The following FRMD6 variants were observed in gnomAD, a reference collection of about 807,000 sequenced individuals.
FRMD6 encodes FERM domain-containing protein 6.
In FRMD6, 37 loss-of-function variants were observed where a neutral mutation model predicts 73.2. The observed-to-expected ratio is 0.51, with a 90% CI of 0.39 to 0.66. FRMD6 has a LOEUF of 0.66. Among genes scored for constraint, FRMD6 ranks in the 30% least tolerant of loss-of-function variants. FRMD6 has a pLI of 0.00. For missense variants in FRMD6, 714 were observed against 780.5 expected, an observed-to-expected ratio of 0.91 and a Z score of 1.02; for synonymous variants, 273 against 282.2, an observed-to-expected ratio of 0.97 and a Z score of 0.33.
At chr14:51,582,107 C>T (rs1208225326) in intron 2 of FRMD6, among the ~76,000 whole-genome samples, 1 of 152,184 alleles carries the variant, frequency 6.6e-6, no homozygotes, top group African/African-American at 2.4e-5. Context: ...TTTGTGACTA[C>T]GTCATACATA....
chr14:51,648,656 G>A (rs561812986), upstream of FRMD6, among the ~76,000 whole-genome samples: 51 of 152,242 alleles, frequency 3.3e-4, no homozygotes, highest in Non-Finnish European at 6.2e-4. Flanking sequence ...TATTCTTCCT[G>A]CGTATCTCTA....
At chr14:51,404,518 A>AGT in the FRMD6 span, among the ~76,000 whole-genome samples, 1 of 152,150 alleles carries the variant, frequency 6.6e-6, no homozygotes, top group Non-Finnish European at 1.5e-5. Context: ...TAAAAATGTT[A>AGT]GTGTTGTTGG....
intron 2 of FRMD6, among the ~76,000 whole-genome samples, chr14:51,603,316 T>G (rs1001405179): frequency 1.3e-5 from 2 of 152,248 alleles, no homozygotes; most frequent in African/African-American, 4.8e-5. Context: ...GCATAAAAAC[T>G]GTTTCCAGTT....
chr14:51,584,807 A>G (rs1228586162), intron 2 of FRMD6, among the ~76,000 whole-genome samples: 1 of 152,008 alleles, frequency 6.6e-6, no homozygotes, highest in Non-Finnish European at 1.5e-5. Context: ...ATAGTGGTAA[A>G]GGGTATAAGC....
At chr14:51,526,704 A>G (rs1186488285) in intron 1 of FRMD6, among the ~76,000 whole-genome samples, 1 of 152,186 alleles carries the variant, frequency 6.6e-6, no homozygotes, top group East Asian at 1.9e-4. Context: ...ATTATCCTAC[A>G]TTCTCCACCA....
intron 2 of FRMD6, among the ~76,000 whole-genome samples, chr14:51,580,358 A>T (rs1888651616): frequency 6.6e-6 from 1 of 152,226 alleles, no homozygotes; most frequent in African/African-American, 2.4e-5. Context: ...TAGTAGCAGA[A>T]TTGCAAACAC....
chr14:51,559,138 C>T (rs999005681), intron 1 of FRMD6, among the ~76,000 whole-genome samples: 1 of 152,216 alleles, frequency 6.6e-6, no homozygotes, highest in African/African-American at 2.4e-5. Flanking sequence ...TGCATATCAA[C>T]ATACCCCGGC....
At chr14:51,484,389 C>A (rs1054479226), upstream of FRMD6, among the ~76,000 whole-genome samples, 24 of 152,182 alleles carry the variant, frequency 1.6e-4, no homozygotes, top group African/African-American at 5.6e-4. Flanking sequence ...TTGACTACCA[C>A]CACCAGAATA....
intron 2 of FRMD6, among the ~76,000 whole-genome samples, chr14:51,614,109 A>C (rs970308853): frequency 6.6e-6 from 1 of 152,168 alleles, no homozygotes; most frequent in African/African-American, 2.4e-5. Context: ...TGAAAAATAC[A>C]CATGCACACA....
At chr14:51,675,593 C>T (rs989012371) in intron 1 of FRMD6, among the ~76,000 whole-genome samples, 65 of 152,270 alleles carry the variant, frequency 4.3e-4, no homozygotes, top group African/African-American at 1.6e-3. Flanking sequence ...TTGTCTCCAG[C>T]TTGTGTAATC....
At chr14:51,629,366 C>T (rs1221938650) in intron 2 of FRMD6, among the ~76,000 whole-genome samples, 1 of 152,166 alleles carries the variant, frequency 6.6e-6, no homozygotes, top group East Asian at 1.9e-4. Flanking sequence ...ATGTATGTTT[C>T]ATTTCTGTTG....
the FRMD6 span, among the ~76,000 whole-genome samples, chr14:51,461,819 A>T: frequency 6.6e-6 from 1 of 152,210 alleles, no homozygotes; most frequent in Non-Finnish European, 1.5e-5. Context: ...CCTGGGTTTA[A>T]ATCCTAGAGT....
At chr14:51,659,365 T>G (rs1893053350) in intron 1 of FRMD6, among the ~76,000 whole-genome samples, 1 of 152,260 alleles carries the variant, frequency 6.6e-6, no homozygotes, top group Admixed American at 6.5e-5. Context: ...AGAAGTGATG[T>G]ATAAAAGGAC....
Position 51,616,919 on chromosome 14 carries a change from C to T in FRMD6, c.-147+46509C>T, listed in dbSNP as rs115259503. ...TTTGTGTGCATGCTTACTATGAATA[C>T]GTGTGACATTACATGTCAAGAACTG... On this transcript the variant is annotated intron_variant, in intron 2 of 14. Coordinates refer to the FRMD6 transcript ENST00000356218. Among the ~76,000 whole-genome samples the T allele has an allele frequency of 2.9e-3, 442 of 152,290 alleles. 2 individuals are homozygous for T. The highest frequency in any genetic ancestry group is 9.9e-3 in the African/African-American group (412 of 41,562).
At chr14:51,708,597 A>G (rs1381988990) in intron 7 of FRMD6, among the ~76,000 whole-genome samples, 4 of 152,054 alleles carry the variant, frequency 2.6e-5, no homozygotes, top group African/African-American at 9.7e-5. Flanking sequence ...GTAATTTTTA[A>G]TATTCCTCAA....
At chr14:51,427,814 T>C in the FRMD6 span, among the ~76,000 whole-genome samples, 2 of 151,678 alleles carry the variant, frequency 1.3e-5, no homozygotes, top group Non-Finnish European at 2.9e-5. Context: ...AAAGCAGCCA[T>C]GGTGGGAGTA....
intron 1 of FRMD6, among the ~76,000 whole-genome samples, chr14:51,537,084 A>G (rs76730443): frequency 0.076 from 11,540 of 152,266 alleles, 596 homozygotes; most frequent in Admixed American, 0.17. Context: ...TGTATATTTT[A>G]TGGGTTTTGA....
In FRMD6 at chr14:51,667,360, C is replaced by T. The variant is rs185895582; in HGVS notation, c.-147+15364C>T. ...ACTGAAAAATTAATACTTTATTGGTCGGAAGAATGAAGTAATATGGTATCC... is the reference window on the plus strand; with the variant it reads ...ACTGAAAAATTAATACTTTATTGGTTGGAAGAATGAAGTAATATGGTATCC... On this transcript the variant is annotated intron_variant, in intron 1 of 13. Coordinates refer to ENST00000344768, the MANE Select transcript of FRMD6 (RefSeq NM_001267046.2). Among the ~76,000 whole-genome samples the T allele has an allele frequency of 8.7e-3, 1,329 of 151,928 alleles. 10 individuals carry two copies. The highest frequency in any genetic ancestry group is 9.9e-3 in the Non-Finnish European group (674 of 67,958).
the FRMD6 span, among the ~76,000 whole-genome samples, chr14:51,425,014 A>G: frequency 6.6e-6 from 1 of 152,200 alleles, no homozygotes; most frequent in Non-Finnish European, 1.5e-5. Flanking sequence ...CAGCTGAGAC[A>G]GGGAATTCCG....
Sources: allele counts gnomAD v4.1 joint callset (sites outside exome capture counted in the v4.1 genomes callset), GRCh38; gene constraint gnomAD v4.1.1; transcripts MANE v1.5; gene names NCBI Gene and HGNC (gene_info 2026-07-23, HGNC 2026-07-21).